Variants in SAA2 observed in about 807,000 individuals in gnomAD.
SAA2 encodes serum amyloid A2, also known as serum amyloid A-2 protein.
In SAA2, 5 loss-of-function variants were observed where a neutral mutation model predicts 9.1. The ratio of observed to expected loss-of-function variants is 0.55; its 90% CI spans 0.29 to 1.16. The LOEUF (loss-of-function observed/expected upper bound fraction) is 1.16, where lower values mean the gene tolerates loss of function less well. Ranked by LOEUF, SAA2 falls within the 50% of genes most tolerant of loss-of-function variation. The probability of loss-of-function intolerance (pLI) is 0.09; values close to 1 mark genes in which losing one functional copy is unlikely to be tolerated. For missense variants in SAA2, 94 were observed against 153.8 expected (o/e 0.61, Z 2.06); for synonymous variants, 49 against 59.8 (o/e 0.82, Z 0.83).
At chr11:18,245,088 G>GC (rs1224340313), downstream of SAA2, 6 of 438,490 alleles carry the variant, frequency 1.4e-5, no homozygotes, top group Non-Finnish European at 2.4e-5. Flanking sequence ...AAGGGTTGAT[G>GC]CAGGTGTCTG....
chr11:18,238,667 A>G (rs1857261388), downstream of SAA2, among the ~76,000 whole-genome samples: 1 of 152,138 alleles, frequency 6.6e-6, no homozygotes, highest in South Asian at 2.1e-4. Flanking sequence ...CAAATAATCC[A>G]ATTATACTCT....
chr11:18,239,160 G>C (rs1857274005), downstream of SAA2: 1 of 152,218 alleles, frequency 6.6e-6, no homozygotes, highest in South Asian at 2.1e-4. Flanking sequence ...TGGTCACCCA[G>C]TTGTACCAAT....
chr11:18,243,362 C>T (rs530034050), downstream of SAA2, among the ~76,000 whole-genome samples: 6 of 152,262 alleles, frequency 3.9e-5, no homozygotes, highest in East Asian at 7.7e-4. Flanking sequence ...TCCTGCCCCC[C>T]AAAATCTACA....
downstream of SAA2, among the ~76,000 whole-genome samples, chr11:18,241,941 T>C (rs972300306): frequency 1.3e-5 from 2 of 152,100 alleles, no homozygotes; most frequent in Non-Finnish European, 2.9e-5. Context: ...CAATAATAAA[T>C]GCTGAATGAA....
In SAA2 at chr11:18,247,997, C is replaced by G. The variant is rs200219446; in HGVS notation, c.15G>C (p.Thr5=). MKLL[T]GLVFCSLVLS... is the part of the protein sequence containing the mutation. The stretch of plus-strand genomic sequence containing the variant: ...GGACCAAGGAGCAGAAAACCAGGCC[C>G]GTGAGAAGCTTCATGGTGCTGAAAT... Residue 5 remains threonine, a synonymous_variant, in exon 2 of 4, where the codon ACG becomes ACC. Coordinates refer to ENST00000256733, the MANE Select transcript of SAA2 (RefSeq NM_030754.5). 20 of 1,613,280 alleles carry G rather than the reference C, an allele frequency of 1.2e-5. No homozygotes were observed. Among genetic ancestry groups the G allele is most frequent in the Non-Finnish European group, 1.5e-5 (18 of 1,179,730 alleles).
chr11:18,239,472 CAGG>C (rs1857281739), exon 4 of SAA2: 1 of 379,450 alleles, frequency 2.6e-6, no homozygotes, highest in African/African-American at 2.1e-5. Flanking sequence ...CTGGGGTGTC[CAGG>C]AGTCCTATCA....
intron 3 of SAA2, chr11:18,240,027 G>T (rs1363876989): frequency 1.3e-6 from 2 of 1,545,408 alleles, no homozygotes; most frequent in African/African-American, 2.7e-5. Flanking sequence ...AACATGCAAG[G>T]GGGAAAATCA....
Position 18,245,451 on chromosome 11 carries a change from C to T in SAA2, c.295G>A (p.Ala99Thr). The stretch of plus-strand genomic sequence containing the variant: ...CCACTCCTGCCCCATTTATTGGCAG[C>T]CTGATCGGCCAGCGAGTCCTCCGCA... ...RGAEDSLADQ[A>T]ANKWGRSGRD... is the part of the protein sequence containing the mutation. The change falls in exon 4 of 4, where the codon GCT becomes ACT. Residue 99 changes from alanine to threonine, a missense_variant. By Grantham distance (58) the Ala-to-Thr change is moderately conservative. Around this residue, in one of 2 missense-constraint regions of SAA2, gnomAD observed 62 missense variants for 58.3 expected, o/e 1.06. Transcript: ENST00000256733. 1.9e-6 allele frequency: 3 copies of T among 1,614,210 alleles called. No individual in the cohort carries two copies. Among genetic ancestry groups the T allele is most frequent in the South Asian group, 1.1e-5 (1 of 91,088 alleles).
intron 3 of SAA2, among the ~76,000 whole-genome samples, 186 bp downstream of exon 3, chr11:18,245,723 AG>A (rs1857496033): frequency 1.3e-5 from 2 of 152,056 alleles, no homozygotes; most frequent in South Asian, 4.1e-4. Context: ...CCAGAGGGGG[AG>A]GGGGAGGAAT....
rs1401818416 is a variant in SAA2 at position 18,245,508 on chromosome 11, T to A, written c.238A>T (p.Arg80Ter). ...AWAAEVISNA[R>*]ENIQRLTGRG... ...CCTGTGAGTCTCTGGATATTCTCTCTGGCATTGCTGTAGTCCAGGCAGGCA... is the reference window on the plus strand; with the variant it reads ...CCTGTGAGTCTCTGGATATTCTCTCAGGCATTGCTGTAGTCCAGGCAGGCA... The change falls in exon 4 of 4, where the codon AGA becomes TGA. Residue 80 changes from arginine (R) to a stop codon, truncating the protein, a stop_gained. Transcript: ENST00000256733. LOFTEE classifies it low-confidence loss of function (END_TRUNC). The A allele has an allele frequency of 6.2e-7, 1 of 1,614,060 alleles. No individual in the cohort carries two copies. The highest frequency in any genetic ancestry group is 8.5e-7 in the Non-Finnish European group (1 of 1,179,918).
chr11:18,239,853 C>T, exon 4 of SAA2: 2 of 1,469,014 alleles, frequency 1.4e-6, no homozygotes, highest in Middle Eastern at 1.8e-4. Context: ...AGGCCATGGT[C>T]TTGTTAGTGG....
At chr11:18,239,607 G>A in exon 4 of SAA2, 1 of 408,342 alleles carries the variant, frequency 2.4e-6, no homozygotes, top group Non-Finnish European at 4.3e-6. Flanking sequence ...CTCCTCAACT[G>A]CTAAGCAGAA....
chr11:18,247,509 T>G (rs1289082321), intron 2 of SAA2, among the ~76,000 whole-genome samples: 2 of 142,926 alleles, frequency 1.4e-5, no homozygotes, highest in Non-Finnish European at 3.0e-5. Flanking sequence ...AATCCTCGAC[T>G]CTCTAATCTG....
chr11:18,239,463 T>TG (rs1857281473), exon 4 of SAA2: 2 of 375,456 alleles, frequency 5.3e-6, no homozygotes, highest in Non-Finnish European at 9.5e-6. Context: ...GATTGATGTC[T>TG]GGGGTGTCCA....
At chr11:18,241,772 G>A (rs572421665), downstream of SAA2, among the ~76,000 whole-genome samples, 3 of 152,092 alleles carry the variant, frequency 2.0e-5, no homozygotes, top group African/African-American at 4.8e-5. Flanking sequence ...GAAGGGGGCC[G>A]AGGATTGAGA....
downstream of SAA2, among the ~76,000 whole-genome samples, chr11:18,241,210 T>C (rs368670881): frequency 1.8e-4 from 27 of 152,206 alleles, no homozygotes; most frequent in East Asian, 1.5e-3. Flanking sequence ...TCAGAATGGC[T>C]ATTACTAAAA....
chr11:18,248,521 T>G (rs1346194408), intron 1 of SAA2, 82 bp downstream of exon 1: 1 of 154,500 alleles, frequency 6.5e-6, no homozygotes, highest in African/African-American at 2.4e-5. Context: ...GGATAACTAT[T>G]TTTTTTAAAG....
exon 4 of SAA2, chr11:18,239,844 G>A: frequency 7.0e-7 from 1 of 1,435,816 alleles, no homozygotes; most frequent in Non-Finnish European, 9.3e-7. Context: ...AGGTTCCAAA[G>A]GCCATGGTCT....
chr11:18,239,443 G>A, exon 4 of SAA2: 1 of 360,064 alleles, frequency 2.8e-6, no homozygotes, highest in Non-Finnish European at 5.0e-6. Context: ...CTTCTTGTCT[G>A]TGGTGTTTTG....
Sources: gnomAD v4.1 joint callset for allele counts (sites outside exome capture counted in the v4.1 genomes callset) on GRCh38, gnomAD v4.1.1 for gene constraint, gnomAD v4.1.1 regional missense constraint, MANE v1.5 for transcripts, NCBI Gene and HGNC (gene_info 2026-07-23, HGNC 2026-07-21) for gene names.